Variants in EPB41 observed in about 807,000 individuals in gnomAD.
The protein encoded by EPB41 is protein 4.1.
EPB41 carries 65 observed loss-of-function variants against 108.0 expected under a neutral mutation model. That is an observed-to-expected ratio of 0.60 (90% confidence interval 0.49 to 0.74). The LOEUF is 0.74. EPB41 is among the 30% of genes least tolerant of loss of function. The pLI, the probability that EPB41 is intolerant of heterozygous loss-of-function variation, is 0.00. For synonymous variants in EPB41, 336 were observed against 358.9 expected (o/e 0.94, Z 0.72); for missense variants, 875 against 1,037.0 (o/e 0.84, Z 2.15).
At chr1:29,062,313 G>C (rs1646702621) in intron 15 of EPB41, among the ~76,000 whole-genome samples, 1 of 152,136 alleles carries the variant, frequency 6.6e-6, no homozygotes, top group Non-Finnish European at 1.5e-5. Flanking sequence ...ACTGGAACCT[G>C]CAGTACCAAT....
intron 7 of EPB41, among the ~76,000 whole-genome samples, chr1:29,027,974 G>A (rs1177051166): frequency 6.6e-6 from 1 of 151,864 alleles, no homozygotes; most frequent in Non-Finnish European, 1.5e-5. Flanking sequence ...ACAGGCATGC[G>A]CCACCACGCC....
intron 1 of EPB41, among the ~76,000 whole-genome samples, chr1:28,977,741 TC>T (rs1191185182): frequency 6.6e-6 from 1 of 152,156 alleles, no homozygotes; most frequent in Non-Finnish European, 1.5e-5. Flanking sequence ...TCTGTACCCG[TC>T]CTATCATTTG....
chr1:28,965,695 G>A (rs2095339328), intron 1 of EPB41, among the ~76,000 whole-genome samples: 1 of 152,076 alleles, frequency 6.6e-6, no homozygotes, highest in Admixed American at 6.5e-5. Flanking sequence ...AGAACTGAAT[G>A]CCCTTAGGGA....
chr1:28,984,739 C>T (rs550236715), intron 1 of EPB41, among the ~76,000 whole-genome samples: 29 of 151,380 alleles, frequency 1.9e-4, no homozygotes, highest in East Asian at 5.8e-4. Flanking sequence ...CTCACTGTAG[C>T]GTCAGCCTCC....
Position 29,042,975 on chromosome 1 carries a change from A to G in EPB41, c.1636+3549A>G, listed in dbSNP as rs570901528. Among the ~76,000 whole-genome samples the G allele has an allele frequency of 4.6e-5, 7 of 152,284 alleles. No homozygotes were observed. In the East Asian group the frequency reaches 1.3e-3, roughly 29 times the overall value. Reference sequence around the variant, plus strand: ...TCAGGTTGGTTTAACTCCAAAACTCATGTTCTTTCAGATACATATTTATTA... The same window carrying G: ...TCAGGTTGGTTTAACTCCAAAACTCGTGTTCTTTCAGATACATATTTATTA... On this transcript the variant is annotated intron_variant, in intron 11 of 20. Coordinates refer to ENST00000343067, the MANE Select transcript of EPB41 (RefSeq NM_001376013.1).
rs2096605034 is a variant in EPB41, at chr1:29,018,504, G to A, written c.1124+62G>A. The stretch of plus-strand genomic sequence containing the variant: ...TGGCGATTAGTTTAAACACAACATG[G>A]TATTGGTTCATTGTTTGCCTAAGAG... On this transcript the variant is annotated intron_variant, in intron 7 of 20. Coordinates refer to ENST00000343067, the MANE Select transcript of EPB41 (RefSeq NM_001376013.1). The surrounding 1 kb of genome is among the most constrained non-coding windows in gnomAD (Gnocchi z 4.4). The A allele has an allele frequency of 7.4e-6, 11 of 1,486,008 alleles. No individual in the cohort carries two copies. Among genetic ancestry groups the A allele is most frequent in the African/African-American group, 4.2e-5 (3 of 72,236 alleles). The allele number at this position is 1,486,008 out of a possible 1,614,324, so 92.1% of individuals were successfully genotyped here.
At chr1:28,981,131 G>A (rs140820470) in intron 1 of EPB41, among the ~76,000 whole-genome samples, 1 of 152,142 alleles carries the variant, frequency 6.6e-6, no homozygotes, top group African/African-American at 2.4e-5. Flanking sequence ...TGAAGTTACC[G>A]ACTGGTTCAA....
chr1:29,014,823 C>G (rs2096556808), intron 5 of EPB41, among the ~76,000 whole-genome samples: 1 of 152,138 alleles, frequency 6.6e-6, no homozygotes, highest in African/African-American at 2.4e-5. Flanking sequence ...GGAGTGCTAT[C>G]CATATCAATA....
intron 17 of EPB41, among the ~76,000 whole-genome samples, chr1:29,103,138 G>A (rs1395816304): frequency 6.6e-6 from 1 of 152,038 alleles, no homozygotes; most frequent in African/African-American, 2.4e-5. Context: ...CAAACTCCAG[G>A]CCTCAAGTAG....
intron 1 of EPB41, among the ~76,000 whole-genome samples, chr1:28,950,846 T>C (rs2094692118): frequency 6.6e-6 from 1 of 152,224 alleles, no homozygotes; most frequent in Admixed American, 6.5e-5. Context: ...CTGTACTTTT[T>C]TTTTTTGAGA....
At chr1:28,983,105 C>A (rs1340538292) in intron 1 of EPB41, among the ~76,000 whole-genome samples, 3 of 152,162 alleles carry the variant, frequency 2.0e-5, no homozygotes, top group Admixed American at 2.0e-4. Flanking sequence ...AACACTGAAT[C>A]TGGGCACTTG....
chr1:28,957,714 A>AT (rs2095018395), intron 1 of EPB41, among the ~76,000 whole-genome samples: 1 of 152,028 alleles, frequency 6.6e-6, no homozygotes, highest in Non-Finnish European at 1.5e-5. Flanking sequence ...CAGCTAAAAT[A>AT]TTTTTATACT....
At chr1:28,923,113 T>A (rs1208831455) in intron 1 of EPB41, among the ~76,000 whole-genome samples, 1 of 137,830 alleles carries the variant, frequency 7.3e-6, no homozygotes, top group Non-Finnish European at 1.6e-5. Context: ...TTTCTTTTCT[T>A]TTTTTTTTTT....
At chr1:29,105,500 A>G (rs1025239421) in intron 17 of EPB41, among the ~76,000 whole-genome samples, 17 of 152,218 alleles carry the variant, frequency 1.1e-4, no homozygotes, top group Middle Eastern at 3.4e-3. Flanking sequence ...GGCCTCCCAA[A>G]GTGCTGGTAT....
chr1:29,008,533 C>G (rs1180180241), intron 4 of EPB41, among the ~76,000 whole-genome samples: 1 of 152,188 alleles, frequency 6.6e-6, no homozygotes, highest in Non-Finnish European at 1.5e-5. Flanking sequence ...TCAAGACTGT[C>G]TGACTTCAAA....
intron 12 of EPB41, among the ~76,000 whole-genome samples, chr1:29,057,332 C>T (rs553633105): frequency 6.7e-4 from 95 of 142,330 alleles, no homozygotes; most frequent in Non-Finnish European, 1.0e-3. Context: ...GCCGAGATCG[C>T]ACCTGCACTC....
At chr1:28,930,962 G>A (rs2093712136) in intron 1 of EPB41, among the ~76,000 whole-genome samples, 1 of 152,080 alleles carries the variant, frequency 6.6e-6, no homozygotes, top group Non-Finnish European at 1.5e-5. Context: ...AAAGTATGAG[G>A]CAGACTAAAT....
intron 1 of EPB41, among the ~76,000 whole-genome samples, chr1:28,966,206 A>G (rs1381145138): frequency 6.6e-6 from 1 of 152,048 alleles, no homozygotes; most frequent in African/African-American, 2.4e-5. Context: ...AAAAGAAAAA[A>G]TTATTTTGTA....
At chr1:29,000,972 A>G (rs2096282632) in intron 4 of EPB41, among the ~76,000 whole-genome samples, 1 of 152,152 alleles carries the variant, frequency 6.6e-6, no homozygotes, top group African/African-American at 2.4e-5. Context: ...GGGAAGATTC[A>G]TCTTAGGATT....
Sources: allele counts gnomAD v4.1 joint callset (sites outside exome capture counted in the v4.1 genomes callset), GRCh38; gene constraint gnomAD v4.1.1; non-coding constraint Gnocchi (gnomAD v3.1); transcripts MANE v1.5; gene names NCBI Gene and HGNC (gene_info 2026-07-23, HGNC 2026-07-21).